MLLT10: variants seen among roughly 807,000 people sequenced by gnomAD.
MLLT10 encodes the protein MLLT10 histone lysine methyltransferase DOT1L cofactor, also known as protein AF-10.
MLLT10 carries 30 observed loss-of-function variants against 129.1 expected under a neutral mutation model. That is an observed-to-expected ratio of 0.23 (90% confidence interval 0.17 to 0.32). The LOEUF is 0.32. MLLT10 is among the 10% of genes least tolerant of loss of function. The pLI, the probability that MLLT10 is intolerant of heterozygous loss-of-function variation, is 1.00. For synonymous variants in MLLT10, 490 were observed against 446.4 expected (o/e 1.10, Z -1.23); for missense variants, 1,119 against 1,268.3 (o/e 0.88, Z 1.79).
intron 17 of MLLT10, among the ~76,000 whole-genome samples, chr10:21,731,999 T>C (rs1219224540): frequency 1.3e-5 from 2 of 152,146 alleles, no homozygotes; most frequent in African/African-American, 4.8e-5. Flanking sequence ...TTAAACACGA[T>C]AGCTGGAGGA....
At chr10:21,592,192 G>A (rs899204045) in intron 4 of MLLT10, among the ~76,000 whole-genome samples, 2 of 152,032 alleles carry the variant, frequency 1.3e-5, no homozygotes, top group Admixed American at 6.5e-5. Context: ...GAGTGTGAAG[G>A]CATTATTGTT....
intron 5 of MLLT10, among the ~76,000 whole-genome samples, chr10:21,597,057 C>T (rs2043089478): frequency 6.6e-6 from 1 of 151,490 alleles, no homozygotes; most frequent in Non-Finnish European, 1.5e-5. Context: ...TTTTAAAAAC[C>T]TTGTTTTTCT....
At chr10:21,735,817 G>A (rs754442160) in intron 21 of MLLT10, among the ~76,000 whole-genome samples, 7 of 152,050 alleles carry the variant, frequency 4.6e-5, no homozygotes, top group Non-Finnish European at 1.0e-4. Context: ...GGTGGGAGAG[G>A]TCAGAGCCAA....
chr10:21,637,067 C>G (rs1174797807), intron 8 of MLLT10, among the ~76,000 whole-genome samples: 1 of 152,194 alleles, frequency 6.6e-6, no homozygotes, highest in Non-Finnish European at 1.5e-5. Context: ...AAAGGATGCA[C>G]TTAATAGCCA....
intron 3 of MLLT10, among the ~76,000 whole-genome samples, chr10:21,558,520 C>T (rs938364767): frequency 2.0e-5 from 3 of 151,246 alleles, no homozygotes; most frequent in South Asian, 2.1e-4. Context: ...AAATATATGA[C>T]TGAGCAAGTT....
At chr10:21,548,665 G>A (rs926521057) in intron 3 of MLLT10, among the ~76,000 whole-genome samples, 1 of 151,934 alleles carries the variant, frequency 6.6e-6, no homozygotes, top group South Asian at 2.1e-4. Flanking sequence ...CACTGTGCCC[G>A]GCCTTTCTGT....
chr10:21,720,916 G>A (rs567633101), intron 14 of MLLT10, among the ~76,000 whole-genome samples: 1 of 152,236 alleles, frequency 6.6e-6, no homozygotes, highest in East Asian at 1.9e-4. Flanking sequence ...AGATACTGTT[G>A]TTATCCTCAT....
At chr10:21,714,755 C>A (rs1267614740) in intron 14 of MLLT10, among the ~76,000 whole-genome samples, 1 of 152,180 alleles carries the variant, frequency 6.6e-6, no homozygotes, top group African/African-American at 2.4e-5. Flanking sequence ...TGGTCTTCAA[C>A]CCCTGACCTC....
chr10:21,638,053 T>C lies in MLLT10; in HGVS notation c.700-13620T>C, dbSNP rs887664566. The stretch of plus-strand genomic sequence containing the variant: ...TGTTGGACCACCCAGGAAAGAGACA[T>C]GGTTTGGAGAGTGATTTACATGTCT... On this transcript the variant is annotated intron_variant, in intron 8 of 22. Coordinates refer to ENST00000307729, the MANE Select transcript of MLLT10 (RefSeq NM_001195626.3). Among the ~76,000 whole-genome samples the C allele has an allele frequency of 2.6e-5, 4 of 151,754 alleles. No individual in the cohort carries two copies. The East Asian group carries it at 7.8e-4, about 29-fold the overall frequency.
intron 17 of MLLT10, among the ~76,000 whole-genome samples, chr10:21,731,300 G>T (rs1265347371): frequency 1.3e-5 from 2 of 152,076 alleles, no homozygotes; most frequent in African/African-American, 4.8e-5. Context: ...GTTTTTTAAA[G>T]TTCTTTAATC....
intron 4 of MLLT10, among the ~76,000 whole-genome samples, chr10:21,586,691 A>T (rs2042016422): frequency 6.6e-6 from 1 of 152,050 alleles, no homozygotes; most frequent in African/African-American, 2.4e-5. Flanking sequence ...AGTCGAGACC[A>T]GCCTGGCCAA....
intron 5 of MLLT10, among the ~76,000 whole-genome samples, chr10:21,610,984 C>CTTTTTTTTTTTTTTTTTTTTTG (rs71393913): frequency 9.7e-6 from 1 of 102,886 alleles, no homozygotes; most frequent in Non-Finnish European, 1.9e-5. Flanking sequence ...TCTTTTTTCT[C>CTTTTTTTTTTTTTTTTTTTTTG]TTTTTTTTTT....
rs2051471389 is a variant in MLLT10, at chr10:21,672,014, A to G, written c.1051+1310A>G. Reference sequence around the variant, plus strand: ...AAAACCCACTAAATAAATAAATACAATCAAGGTTTACATTTTTTAGTAGAT... The same window carrying G: ...AAAACCCACTAAATAAATAAATACAGTCAAGGTTTACATTTTTTAGTAGAT... On this transcript the variant is annotated intron_variant, in intron 10 of 22. Coordinates refer to ENST00000307729, the MANE Select transcript of MLLT10 (RefSeq NM_001195626.3). Among the ~76,000 whole-genome samples the G allele has an allele frequency of 2.0e-5, 3 of 152,148 alleles. No individual in the cohort carries two copies. The South Asian group carries it at 6.2e-4, about 31-fold the overall frequency.
At chr10:21,736,879 A>G (rs746378429) in intron 21 of MLLT10, among the ~76,000 whole-genome samples, 2 of 152,044 alleles carry the variant, frequency 1.3e-5, no homozygotes, top group African/African-American at 4.8e-5. Flanking sequence ...TTTGATGCGG[A>G]CTCCTAGAGC....
At chr10:21,615,457 C>CAAAAAAAAAAA (rs71393914) in intron 7 of MLLT10, among the ~76,000 whole-genome samples, 6 of 75,568 alleles carry the variant, frequency 7.9e-5, no homozygotes, top group African/African-American at 2.5e-4. Flanking sequence ...GACTCCGTCT[C>CAAAAAAAAAAA]AAAAAAAAAA....
At chr10:21,683,601 T>A (rs866641133) in intron 13 of MLLT10, among the ~76,000 whole-genome samples, 2 of 152,314 alleles carry the variant, frequency 1.3e-5, no homozygotes, top group Non-Finnish European at 2.9e-5. Context: ...AAGTGTAAGA[T>A]TGACACCTAG....
intron 5 of MLLT10, among the ~76,000 whole-genome samples, chr10:21,611,098 G>A (rs183694266): frequency 1.1e-3 from 158 of 146,360 alleles, no homozygotes; most frequent in Admixed American, 4.9e-3. Flanking sequence ...CCTGGTTCAA[G>A]CGACTCTCCT....
At chr10:21,546,716 C>T (rs1001396138) in intron 3 of MLLT10, among the ~76,000 whole-genome samples, 2 of 151,588 alleles carry the variant, frequency 1.3e-5, no homozygotes, top group Non-Finnish European at 1.5e-5. Context: ...TGCAGGTGCC[C>T]GCCACTGTGC....
At chr10:21,719,201 G>A (rs1469291814) in intron 14 of MLLT10, among the ~76,000 whole-genome samples, 4 of 152,126 alleles carry the variant, frequency 2.6e-5, no homozygotes, top group Non-Finnish European at 5.9e-5. Flanking sequence ...TGTCTAATAA[G>A]GACACTTTAA....
Sources: allele counts gnomAD v4.1 joint callset (sites outside exome capture counted in the v4.1 genomes callset), GRCh38; gene constraint gnomAD v4.1.1; transcripts MANE v1.5; gene names NCBI Gene and HGNC (gene_info 2026-07-23, HGNC 2026-07-21).